The following MICAL3 variants were observed in gnomAD, a reference collection of about 807,000 sequenced individuals.
MICAL3 encodes [F-actin]-monooxygenase MICAL3.
Under a neutral mutation model 207.4 loss-of-function variants are expected in MICAL3, and 62 were observed. That is an observed-to-expected ratio of 0.30 (90% confidence interval 0.24 to 0.37). MICAL3 has a LOEUF of 0.37. Among genes scored for constraint, MICAL3 ranks in the 10% least tolerant of loss-of-function variants. The probability of loss-of-function intolerance (pLI) is 1.00; values close to 1 mark genes in which losing one functional copy is unlikely to be tolerated. For synonymous variants in MICAL3, 1,077 were observed against 1,069.3 expected, an observed-to-expected ratio of 1.01 and a Z score of -0.14; for missense variants, 2,368 against 2,635.6, an observed-to-expected ratio of 0.90 and a Z score of 2.22.
intron 1 of MICAL3, among the ~76,000 whole-genome samples, chr22:17,976,616 G>A (rs1935667860): frequency 9.3e-6 from 1 of 107,808 alleles, no homozygotes; most frequent in Non-Finnish European, 1.7e-5. Flanking sequence ...TTGAGACAGA[G>A]TCTCACTCTG....
rs762714910 is a variant in MICAL3 at position 17,896,853 on chromosome 22, A to C, written c.1077T>G (p.Asn359Lys). 6.2e-7 allele frequency: 1 copy of C among 1,614,164 alleles called. No homozygotes were observed. The highest frequency in any genetic ancestry group is 1.1e-5 in the South Asian group (1 of 91,078). Residue 359 changes from asparagine (N) to lysine (K), a missense_variant, in exon 8 of 32, where the codon AAT (asparagine) becomes AAG (lysine). By Grantham distance (94) the Asn-to-Lys change is moderately conservative. This residue lies in a region of MICAL3 where 400 missense variants were observed against 547.0 expected (regional missense o/e 0.73). Coordinates refer to ENST00000441493, the MANE Select transcript of MICAL3 (RefSeq NM_015241.3). ...TGGCCACATCGGGCTGCCCATAGTG[A>C]TTGATGGCAAAATCCAGAGACGGCA... ...QQLPSLDFAINHYGQPDVAMF... is the reference protein window; with the variant it reads ...QQLPSLDFAIKHYGQPDVAMF...
At chr22:17,828,389 T>C (rs1392461563) in intron 21 of MICAL3, among the ~76,000 whole-genome samples, 1 of 152,260 alleles carries the variant, frequency 6.6e-6, no homozygotes, top group Non-Finnish European at 1.5e-5. Flanking sequence ...CTTCTGCAGC[T>C]GGAGCTGCTG....
intron 16 of MICAL3, among the ~76,000 whole-genome samples, chr22:17,877,475 T>TTATGGAGGTTAGGGAGATTATGGAGGTG (rs1569110607): frequency 5.9e-5 from 5 of 84,424 alleles, no homozygotes; most frequent in South Asian, 3.2e-4. Context: ...TTATGGAGGT[T>TTATGGAGGTTAGGGAGATTATGGAGGTG]AGGGAGGTTA....
chr22:17,821,127 C>T (rs1921600822), intron 25 of MICAL3, among the ~76,000 whole-genome samples: 1 of 151,820 alleles, frequency 6.6e-6, no homozygotes, highest in Non-Finnish European at 1.5e-5. Flanking sequence ...AACACAGTGA[C>T]ACGGGGTAGA....
intron 1 of MICAL3, among the ~76,000 whole-genome samples, chr22:17,964,269 C>T (rs1253721014): frequency 6.6e-6 from 1 of 152,216 alleles, no homozygotes; most frequent in African/African-American, 2.4e-5. Flanking sequence ...TCCCTGCATT[C>T]CACAGCACCA....
intron 19 of MICAL3, chr22:17,860,543 C>T (rs1000732578): frequency 1.2e-5 from 12 of 985,350 alleles, no homozygotes; most frequent in Middle Eastern, 5.2e-4. Context: ...TGGTGGAACT[C>T]CTTTTGGGAC....
intron 1 of MICAL3, among the ~76,000 whole-genome samples, chr22:17,914,634 C>CA (rs1932362529): frequency 6.6e-6 from 1 of 152,150 alleles, no homozygotes; most frequent in African/African-American, 2.4e-5. Context: ...TATGCAGTTT[C>CA]AAGTAAATTT....
chr22:17,847,286 T>G (rs1361149460), intron 19 of MICAL3, among the ~76,000 whole-genome samples: 2 of 152,212 alleles, frequency 1.3e-5, no homozygotes, highest in African/African-American at 4.8e-5. Context: ...CTCCCACTTC[T>G]TTTTCCTTTC....
intron 3 of MICAL3, 124 bp downstream of exon 3, chr22:17,904,508 C>T (rs968230558): frequency 1.8e-5 from 14 of 759,592 alleles, no homozygotes; most frequent in African/African-American, 1.5e-4. Context: ...ATAAGAAAGA[C>T]AGTAATGAGA....
At chr22:17,795,549 A>G (rs1189899090) in intron 29 of MICAL3, among the ~76,000 whole-genome samples, 1 of 152,210 alleles carries the variant, frequency 6.6e-6, no homozygotes. Context: ...ACATCCTCAT[A>G]CGCCCTTCCC....
At chr22:17,899,979 T>C (rs1215398343) in intron 6 of MICAL3, among the ~76,000 whole-genome samples, 4 of 152,204 alleles carry the variant, frequency 2.6e-5, no homozygotes, top group African/African-American at 9.7e-5. Context: ...TACTGACTTT[T>C]TAATTAATCT....
intron 22 of MICAL3, among the ~76,000 whole-genome samples, chr22:17,823,332 C>T (rs907881956): frequency 2.6e-5 from 4 of 152,186 alleles, no homozygotes; most frequent in African/African-American, 9.6e-5. Context: ...TGTTCCTCTT[C>T]CCCCAAAGGT....
At chr22:17,959,506 G>A (rs917628793) in intron 1 of MICAL3, among the ~76,000 whole-genome samples, 9 of 152,036 alleles carry the variant, frequency 5.9e-5, no homozygotes, top group African/African-American at 1.9e-4. Context: ...GTAGAGACAC[G>A]GTTTCACCAT....
intron 10 of MICAL3, 120 bp from the exon 11 acceptor site, chr22:17,894,024 A>G (rs1930608957): frequency 2.8e-6 from 2 of 702,460 alleles, no homozygotes; most frequent in Non-Finnish European, 4.9e-6. Context: ...AAGTTCAGAC[A>G]GAAGTTAGGA....
chr22:17,867,708 G>C (rs934374025), intron 17 of MICAL3, among the ~76,000 whole-genome samples: 2 of 152,206 alleles, frequency 1.3e-5, no homozygotes, highest in Admixed American at 6.5e-5. Context: ...GGGATGGTGA[G>C]GGAGGTGAGG....
chr22:17,947,842 G>T (rs949834340), intron 1 of MICAL3, among the ~76,000 whole-genome samples: 1 of 152,180 alleles, frequency 6.6e-6, no homozygotes, highest in African/African-American at 2.4e-5. Context: ...GGGATTAAAG[G>T]TAATGAGCTA....
chr22:17,921,333 C>T (rs151147350), intron 1 of MICAL3, among the ~76,000 whole-genome samples: 73 of 152,320 alleles, frequency 4.8e-4, no homozygotes, highest in African/African-American at 1.6e-3. Context: ...AATACTGAAG[C>T]TCTCAAAATC....
chr22:17,968,100 G>C (rs1935234935), intron 1 of MICAL3, among the ~76,000 whole-genome samples: 1 of 152,084 alleles, frequency 6.6e-6, no homozygotes, highest in African/African-American at 2.4e-5. Context: ...AATGATGCTT[G>C]TAAAAGTAGG....
At chr22:18,001,132 G>A (rs1922948748) in intron 1 of MICAL3, 1 of 152,260 alleles carries the variant, frequency 6.6e-6, no homozygotes, top group South Asian at 2.1e-4. Context: ...ACGGGAACGC[G>A]AGGCGGGGGC....
Sources: gnomAD v4.1 joint callset for allele counts (sites outside exome capture counted in the v4.1 genomes callset) on GRCh38, gnomAD v4.1.1 for gene constraint, gnomAD v4.1.1 regional missense constraint, MANE v1.5 for transcripts, NCBI Gene and HGNC (gene_info 2026-07-23, HGNC 2026-07-21) for gene names.